The following SEMA6D variants were observed in gnomAD, a reference collection of about 807,000 sequenced individuals.
SEMA6D encodes the protein semaphorin-6D.
Under a neutral mutation model 106.6 loss-of-function variants are expected in SEMA6D, and 35 were observed. The ratio of observed to expected loss-of-function variants is 0.33; its 90% CI spans 0.25 to 0.44. The LOEUF is 0.44. SEMA6D is among the 20% of genes least tolerant of loss of function. The probability of loss-of-function intolerance (pLI) is 1.00; values close to 1 mark genes in which losing one functional copy is unlikely to be tolerated. For synonymous variants in SEMA6D, 499 were observed against 487.7 expected (o/e 1.02, Z -0.31); for missense variants, 1,185 against 1,345.9 (o/e 0.88, Z 1.87).
chr15:47,438,046 C>A (rs7183670), intron 2 of SEMA6D, among the ~76,000 whole-genome samples: 31,068 of 151,956 alleles, frequency 0.2, 3,816 homozygotes, highest in African/African-American at 0.33. Context: ...TGTTGGACTT[C>A]ACATGTTCTA....
chr15:47,222,431 T>G (rs2031291978), intron 1 of SEMA6D, among the ~76,000 whole-genome samples: 1 of 152,196 alleles, frequency 6.6e-6, no homozygotes, highest in Non-Finnish European at 1.5e-5. Context: ...ACTCTTGCCA[T>G]CCACTACTTT....
intron 1 of SEMA6D, among the ~76,000 whole-genome samples, chr15:47,260,052 T>G (rs1278030895): frequency 6.6e-6 from 1 of 152,012 alleles, no homozygotes; most frequent in Non-Finnish European, 1.5e-5. Flanking sequence ...TTCTATTTGG[T>G]TCTTTTTATA....
In SEMA6D at chr15:47,770,686, C is replaced by A; in HGVS notation, c.2123C>A (p.Thr708Lys). 1 of 1,614,112 alleles carries A rather than the reference C, an allele frequency of 6.2e-7. No individual in the cohort carries two copies. Among genetic ancestry groups the A allele is most frequent in the Non-Finnish European group, 8.5e-7 (1 of 1,179,980 alleles). ...HKDAESAQSC[T>K]DSSGSFAKLN... is the part of the protein sequence containing the mutation. ...GATGCAGAGTCCGCCCAGTCATGCACAGACTCCAGTGGAAGTTTTGCCAAA... is the reference window on the plus strand; with the variant it reads ...GATGCAGAGTCCGCCCAGTCATGCAAAGACTCCAGTGGAAGTTTTGCCAAA... The change falls in exon 19 of 19, where the codon ACA (threonine) becomes AAA (lysine). Residue 708 changes from threonine (T) to lysine (K), a missense_variant. Physicochemically the swap from Thr to Lys is moderately conservative, Grantham distance 78. Around this residue, in one of 3 missense-constraint regions of SEMA6D, gnomAD observed 750 missense variants for 783.5 expected, o/e 0.96. Transcript: ENST00000536845.
intron 3 of SEMA6D, among the ~76,000 whole-genome samples, chr15:47,483,589 C>T (rs1046205359): frequency 4.6e-5 from 7 of 151,978 alleles, no homozygotes; most frequent in Admixed American, 2.6e-4. Flanking sequence ...AATTACAGTA[C>T]CAGGATGTGA....
intron 1 of SEMA6D, among the ~76,000 whole-genome samples, chr15:47,268,899 CCTTTA>C (rs2034438905): frequency 6.6e-6 from 1 of 151,900 alleles, no homozygotes; most frequent in South Asian, 2.1e-4. Flanking sequence ...GCTTTTTTTC[CCTTTA>C]CTTTAATAGG....
At chr15:47,710,139 C>T (rs1012682418) in intron 4 of SEMA6D, among the ~76,000 whole-genome samples, 20 of 152,276 alleles carry the variant, frequency 1.3e-4, no homozygotes, top group Non-Finnish European at 2.8e-4. Context: ...TTATGAGGAA[C>T]TGAAATAGAG....
intron 4 of SEMA6D, among the ~76,000 whole-genome samples, chr15:47,621,831 A>G (rs970620788): frequency 1.3e-5 from 2 of 152,214 alleles, no homozygotes; most frequent in Non-Finnish European, 2.9e-5. Flanking sequence ...TGTTATAAAG[A>G]GCTACCAAGG....
intron 4 of SEMA6D, among the ~76,000 whole-genome samples, chr15:47,636,907 G>T (rs1448859784): frequency 6.6e-6 from 1 of 152,164 alleles, no homozygotes; most frequent in African/African-American, 2.4e-5. Flanking sequence ...GCCAAAGTGT[G>T]CTCATGGCTG....
At chr15:47,745,628 A>G (rs2081085118) in intron 1 of SEMA6D, among the ~76,000 whole-genome samples, 1 of 152,224 alleles carries the variant, frequency 6.6e-6, no homozygotes, top group African/African-American at 2.4e-5. Context: ...GAGGTTTCAG[A>G]AGTTCATAGT....
At chr15:47,538,651 G>A (rs879270157) in intron 3 of SEMA6D, among the ~76,000 whole-genome samples, 1 of 152,096 alleles carries the variant, frequency 6.6e-6, no homozygotes, top group Admixed American at 6.6e-5. Flanking sequence ...GACAGAGTGT[G>A]GTTGTTTGAA....
chr15:47,342,736 T>A (rs2037873250), intron 1 of SEMA6D, among the ~76,000 whole-genome samples: 1 of 152,048 alleles, frequency 6.6e-6, no homozygotes, highest in Non-Finnish European at 1.5e-5. Flanking sequence ...TTTAAGACAG[T>A]GTCTCCCTCT....
intron 4 of SEMA6D, among the ~76,000 whole-genome samples, chr15:47,625,171 G>T (rs938176215): frequency 2.6e-5 from 4 of 152,002 alleles, no homozygotes; most frequent in African/African-American, 7.3e-5. Context: ...AGATTTTTTG[G>T]GGGGAGAAAA....
chr15:47,519,230 A>G (rs930967188), intron 3 of SEMA6D, among the ~76,000 whole-genome samples: 6 of 152,228 alleles, frequency 3.9e-5, no homozygotes, highest in Non-Finnish European at 7.3e-5. Flanking sequence ...ACGTAATTGT[A>G]TGCATTAGAC....
chr15:47,331,817 G>A (rs1264988094), intron 1 of SEMA6D, among the ~76,000 whole-genome samples: 5 of 152,188 alleles, frequency 3.3e-5, no homozygotes, highest in African/African-American at 1.2e-4. Context: ...TTGCCATTAT[G>A]AGAAGAGACA....
chr15:47,441,719 A>G (rs2041889332), intron 2 of SEMA6D, among the ~76,000 whole-genome samples: 1 of 152,062 alleles, frequency 6.6e-6, no homozygotes, highest in African/African-American at 2.4e-5. Flanking sequence ...GTTGATTTGA[A>G]TGTGTTTCCA....
At chr15:47,285,470 T>C (rs1047900322) in intron 1 of SEMA6D, among the ~76,000 whole-genome samples, 1 of 151,714 alleles carries the variant, frequency 6.6e-6, no homozygotes, top group Non-Finnish European at 1.5e-5. Flanking sequence ...TTGAAGAATA[T>C]AGATGTTTGA....
At chr15:47,521,317 G>A (rs757163162) in intron 3 of SEMA6D, among the ~76,000 whole-genome samples, 3 of 152,166 alleles carry the variant, frequency 2.0e-5, no homozygotes, top group Non-Finnish European at 4.4e-5. Flanking sequence ...ACCTTGTAGA[G>A]AAGGCATTTT....
intron 4 of SEMA6D, among the ~76,000 whole-genome samples, chr15:47,669,548 C>T (rs1339918594): frequency 6.6e-6 from 1 of 152,194 alleles, no homozygotes; most frequent in African/African-American, 2.4e-5. Flanking sequence ...TCCATAGAGA[C>T]TTCCTTTATT....
intron 2 of SEMA6D, among the ~76,000 whole-genome samples, chr15:47,464,377 G>A (rs2042599018): frequency 6.6e-6 from 1 of 152,068 alleles, no homozygotes; most frequent in East Asian, 1.9e-4. Flanking sequence ...CCATAGAGGT[G>A]TCTCATATGT....
Sources: gnomAD v4.1 joint callset for allele counts (sites outside exome capture counted in the v4.1 genomes callset) on GRCh38, gnomAD v4.1.1 for gene constraint, gnomAD v4.1.1 regional missense constraint, MANE v1.5 for transcripts, NCBI Gene and HGNC (gene_info 2026-07-23, HGNC 2026-07-21) for gene names.